Variants in AXL observed in about 807,000 individuals in gnomAD.
The protein encoded by AXL is AXL receptor tyrosine kinase.
Under a neutral mutation model 104.5 loss-of-function variants are expected in AXL, and 52 were observed. The observed-to-expected ratio is 0.50, with a 90% CI of 0.40 to 0.63. The LOEUF is 0.63. AXL is among the 20% of genes least tolerant of loss of function. The pLI is 0.00. For synonymous variants in AXL, 455 were observed against 473.7 expected, an observed-to-expected ratio of 0.96 and a Z score of 0.51; for missense variants, 1,024 against 1,188.5, an observed-to-expected ratio of 0.86 and a Z score of 2.04.
In AXL at chr19:41,259,828, C is replaced by G. The variant is rs1400226430; in HGVS notation, c.2609C>G (p.Pro870Arg). 1.9e-6 allele frequency: 3 copies of G among 1,613,872 alleles called. No individual in the cohort carries two copies. In the East Asian group the frequency reaches 6.7e-5, roughly 36 times the overall value. Residue 870 changes from proline to arginine, a missense_variant, in exon 20 of 20, where the codon CCT becomes CGT. Physicochemically the swap from Pro to Arg is moderately radical, Grantham distance 103. This residue lies in a region of AXL where 523 missense variants were observed against 636.0 expected (regional missense o/e 0.82). Transcript: ENST00000301178. ...CCTGCTGGACGCTATGTCCTCTGCC[C>G]TTCCACAACCCCTAGCCCCGCTCAG... ...VHPAGRYVLC[P>R]STTPSPAQPA...
In AXL at chr19:41,257,477, C is replaced by T; in HGVS notation, c.2197-16C>T. The T allele has an allele frequency of 6.2e-7, 1 of 1,614,120 alleles. No individual in the cohort carries two copies. Among genetic ancestry groups the T allele is most frequent in the Non-Finnish European group, 8.5e-7 (1 of 1,180,000 alleles). ...CTGTGCAGGAGAGACTGTCTAATTC[C>T]CTCTGCCCCTCACAGTGGTCCTTCG... On this transcript the variant is annotated splice_polypyrimidine_tract_variant and intron_variant, in intron 18 of 19. Coordinates refer to ENST00000301178, the MANE Select transcript of AXL (RefSeq NM_021913.5).
rs2034138467 is a variant in AXL, at chr19:41,239,272, G to T, written c.1243G>T (p.Gly415Ter). 6.2e-7 allele frequency: 1 copy of T among 1,605,560 alleles called. No homozygotes were observed. The highest frequency in any genetic ancestry group is 1.1e-5 in the South Asian group (1 of 89,876). The change falls in exon 9 of 20, where the codon GGA becomes TGA. Residue 415 changes from glycine (G) to a stop codon, truncating the protein, a stop_gained. Transcript: ENST00000301178. LOFTEE classifies it high-confidence loss of function. ...CVAAYTAAGD[G>*]PWSLPVPLEA... is the part of the protein sequence containing the mutation. ...GGCAGCCTACACTGCTGCTGGGGAT[G>T]GACCCTGGAGCCTCCCAGTACCCCT...
intron 6 of AXL, among the ~76,000 whole-genome samples, chr19:41,231,998 A>G (rs2033998919): frequency 6.6e-6 from 1 of 152,118 alleles, no homozygotes; most frequent in Non-Finnish European, 1.5e-5. Flanking sequence ...AATTATTTTC[A>G]GTATTAGTGA....
intron 3 of AXL, 171 bp downstream of exon 3, chr19:41,221,417 G>C (rs1025661397): frequency 1.2e-5 from 7 of 597,134 alleles, no homozygotes; most frequent in Non-Finnish European, 2.0e-5. Flanking sequence ...AAGAAGCTGG[G>C]AGTCCATATA....
Position 41,232,090 on chromosome 19 carries a change from C to T in AXL, c.783+792C>T, listed in dbSNP as rs550878580. ...TCACCACTGGATACCCAGAACCCTCCACTTCTCCCATCCCAGCCCTGGCCA... is the reference window on the plus strand; with the variant it reads ...TCACCACTGGATACCCAGAACCCTCTACTTCTCCCATCCCAGCCCTGGCCA... On this transcript the variant is annotated intron_variant, in intron 6 of 19. Transcript: ENST00000301178. Among the ~76,000 whole-genome samples the T allele has an allele frequency of 2.0e-5, 3 of 152,266 alleles. No individual in the cohort carries two copies. In the South Asian group the frequency reaches 6.2e-4, roughly 32 times the overall value.
chr19:41,225,080 T>C (rs60842142), intron 4 of AXL, among the ~76,000 whole-genome samples: 1,721 of 152,354 alleles, frequency 0.011, 43 homozygotes, highest in African/African-American at 0.039. Context: ...CTTGGCTTAC[T>C]GTAACTTCCG....
chr19:41,231,409 A>G, intron 6 of AXL, 111 bp downstream of exon 6: 1 of 998,130 alleles, frequency 1.0e-6, no homozygotes, highest in African/African-American at 1.6e-5. Context: ...GTTGAGAAGC[A>G]GTAGAGCCTG....
At chr19:41,253,296 C>A (rs1007198565) in intron 16 of AXL, among the ~76,000 whole-genome samples, 2 of 151,958 alleles carry the variant, frequency 1.3e-5, no homozygotes, top group Non-Finnish European at 2.9e-5. Flanking sequence ...CAGGAAGCGA[C>A]CCCAACAGAG....
chr19:41,220,563 A>G, intron 1 of AXL, 73 bp from the exon 2 acceptor site: 2 of 1,352,300 alleles, frequency 1.5e-6, no homozygotes, highest in Non-Finnish European at 2.0e-6. Flanking sequence ...GTGGGCAGGC[A>G]AGGACAGGGT....
chr19:41,226,306 C>T (rs2033880068), intron 4 of AXL, among the ~76,000 whole-genome samples: 1 of 152,172 alleles, frequency 6.6e-6, no homozygotes, highest in African/African-American at 2.4e-5. Flanking sequence ...CTGACCCTGG[C>T]GGGGCCCCAC....
Position 41,222,036 on chromosome 19 carries a change from A to G in AXL, c.566A>G (p.Gln189Arg). ...PLATAPGHGP[Q>R]RSLHVPGLNK... Reference sequence around the variant, plus strand: ...GCCACGGCTCCAGGTCACGGCCCCCAGCGCAGCCTGCATGTTCCAGGTGAG... The same window carrying G: ...GCCACGGCTCCAGGTCACGGCCCCCGGCGCAGCCTGCATGTTCCAGGTGAG... Residue 189 changes from glutamine (Q) to arginine (R), a missense_variant, in exon 4 of 20, where the codon CAG becomes CGG. Physicochemically the swap from Gln to Arg is conservative, Grantham distance 43. Around this residue, in one of 5 missense-constraint regions of AXL, gnomAD observed 332 missense variants for 343.9 expected, o/e 0.97. Transcript: ENST00000301178. 4.4e-6 allele frequency: 7 copies of G among 1,585,574 alleles called. No individual in the cohort carries two copies. Among genetic ancestry groups the G allele is most frequent in the Non-Finnish European group, 5.1e-6 (6 of 1,168,114 alleles).
At chr19:41,231,969 G>T (rs1231487895) in intron 6 of AXL, among the ~76,000 whole-genome samples, 3 of 151,348 alleles carry the variant, frequency 2.0e-5, no homozygotes, top group South Asian at 2.1e-4. Context: ...TTAACAAAAT[G>T]AAAATGATCA....
intron 1 of AXL, chr19:41,220,338 AAG>A (rs904352092): frequency 5.7e-6 from 2 of 353,820 alleles, no homozygotes; most frequent in Non-Finnish European, 1.1e-5. Flanking sequence ...CTAGAGACCT[AAG>A]AGAGGACGGA....
intron 4 of AXL, among the ~76,000 whole-genome samples, chr19:41,227,121 T>C (rs2033895031): frequency 6.6e-6 from 1 of 151,822 alleles, no homozygotes; most frequent in South Asian, 2.1e-4. Context: ...AAAAACTTGG[T>C]CCTTCTTACA....
At chr19:41,231,158 G>T (rs926104806) in intron 5 of AXL, 25 bp from the exon 6 acceptor site, 1 of 1,610,718 alleles carries the variant, frequency 6.2e-7, no homozygotes, top group Middle Eastern at 1.7e-4. Flanking sequence ...GCTCCCCAGG[G>T]TCAATCTCTC....
intron 8 of AXL, 138 bp from the exon 9 acceptor site, chr19:41,239,026 A>G (rs1171055894): frequency 1.0e-6 from 1 of 980,708 alleles, no homozygotes; most frequent in Non-Finnish European, 1.5e-6. Context: ...TGAGAGATGA[A>G]GGGGAGGACG....
intron 4 of AXL, among the ~76,000 whole-genome samples, chr19:41,230,314 T>C (rs1057206942): frequency 2.0e-5 from 3 of 148,916 alleles, no homozygotes; most frequent in Non-Finnish European, 4.4e-5. Flanking sequence ...CTCTCTGGGG[T>C]GTAAGAATGT....
intron 4 of AXL, among the ~76,000 whole-genome samples, chr19:41,228,703 C>A (rs1253928770): frequency 1.3e-5 from 2 of 152,176 alleles, no homozygotes; most frequent in East Asian, 3.9e-4. Flanking sequence ...TTATGGCACA[C>A]CTATTGTGTG....
chr19:41,229,735 A>G (rs770310053), intron 4 of AXL, among the ~76,000 whole-genome samples: 1 of 152,190 alleles, frequency 6.6e-6, no homozygotes, highest in Non-Finnish European at 1.5e-5. Flanking sequence ...TATGTGTTCC[A>G]GAGACACTGG....
Sources: gnomAD v4.1 joint callset for allele counts (sites outside exome capture counted in the v4.1 genomes callset) on GRCh38, gnomAD v4.1.1 for gene constraint, gnomAD v4.1.1 regional missense constraint, MANE v1.5 for transcripts, NCBI Gene and HGNC (gene_info 2026-07-23, HGNC 2026-07-21) for gene names.